Variants in STEAP2 observed in about 807,000 individuals in gnomAD.
STEAP2 encodes STEAP2 metalloreductase, also known as metalloreductase STEAP2.
A neutral mutation model predicts 46.4 loss-of-function variants in STEAP2; 30 were observed. That is an observed-to-expected ratio of 0.65 (90% CI 0.48 to 0.88). The LOEUF (loss-of-function observed/expected upper bound fraction) is 0.88, where lower values mean the gene tolerates loss of function less well. STEAP2 is among the 40% of genes least tolerant of loss of function. STEAP2 has a pLI of 0.00. For synonymous variants in STEAP2, 180 were observed against 200.5 expected (o/e 0.90, Z 0.86); for missense variants, 513 against 579.3 (o/e 0.89, Z 1.18).
At chr7:90,227,588 A>C in intron 4 of STEAP2, 90 bp downstream of exon 4, 2 of 1,274,934 alleles carry the variant, frequency 1.6e-6, no homozygotes, top group South Asian at 4.0e-5. Flanking sequence ...ATGCCCTGTA[A>C]TGGAAATTTG....
At position 90,225,089 on chromosome 7, in the gene STEAP2, T is replaced by C. The variant is rs1584237564; in HGVS notation, c.7T>C (p.Ser3Pro). ...TCTTGGAAGTGTCCGTATCATGGAA[T>C]CAATCTCTATGATGGGAAGCCCTAA... ME[S>P]ISMMGSPKSL... Residue 3 changes from serine to proline, a missense_variant, in exon 3 of 6, where the codon TCA becomes CCA. Ser to Pro is a moderately conservative substitution (Grantham distance 74). Transcript: ENST00000394621. 4 of 1,612,994 alleles carry C rather than the reference T, an allele frequency of 2.5e-6. No homozygotes were observed. The highest frequency in any genetic ancestry group is 1.1e-5 in the South Asian group (1 of 90,870).
At chr7:90,240,023 G>C (rs1442308932), downstream of STEAP2, among the ~76,000 whole-genome samples, 1 of 152,152 alleles carries the variant, frequency 6.6e-6, no homozygotes, top group East Asian at 1.9e-4. This position sits in a 1 kb window ranked among gnomAD's most constrained non-coding sequence, Gnocchi z 4.1. Context: ...TGTGATCCTA[G>C]CACTTTGGGA....
chr7:90,229,399 G>A (rs983467981), intron 4 of STEAP2, among the ~76,000 whole-genome samples: 17 of 152,146 alleles, frequency 1.1e-4, no homozygotes, highest in African/African-American at 3.4e-4. Context: ...TTCATGTGAT[G>A]GAAGAAGATA....
At chr7:90,226,048 T>C (rs968104300) in intron 3 of STEAP2, among the ~76,000 whole-genome samples, 1 of 152,220 alleles carries the variant, frequency 6.6e-6, no homozygotes, top group African/African-American at 2.4e-5. Context: ...TTCCAGTCTT[T>C]ATTTTAATGA....
intron 2 of STEAP2, among the ~76,000 whole-genome samples, chr7:90,217,496 G>A (rs1795071441): frequency 6.6e-6 from 1 of 151,998 alleles, no homozygotes; most frequent in Admixed American, 6.6e-5. Context: ...CCACACATGA[G>A]TAAAAACATG....
chr7:90,242,063 A>T (rs1433071312), downstream of STEAP2, among the ~76,000 whole-genome samples: 5 of 151,264 alleles, frequency 3.3e-5, no homozygotes, highest in Admixed American at 6.6e-5. Flanking sequence ...GTCCATGAGT[A>T]AAACAAATAC....
In STEAP2 at chr7:90,232,508, T is replaced by G. The variant is rs145139034; in HGVS notation, c.1357T>G (p.Cys453Gly). The G allele has an allele frequency of 1.2e-6, 2 of 1,613,694 alleles. No homozygotes were observed. The highest frequency in any genetic ancestry group is 2.7e-5 in the African/African-American group (2 of 74,914). ...GGGTAAGATTATTTTATTCCTTCCA[T>G]GTATAAGCCGAAAGCTAAAACGAAT... ...ILGKIILFLP[C>G]ISRKLKRIKK... Residue 453 changes from cysteine to glycine, a missense_variant, in exon 6 of 6, where the codon TGT becomes GGT. By Grantham distance (159) the Cys-to-Gly change is radical. Transcript: ENST00000394621.
intron 2 of STEAP2, among the ~76,000 whole-genome samples, chr7:90,220,651 CT>C (rs2116217748): frequency 6.6e-6 from 1 of 152,140 alleles, no homozygotes; most frequent in Non-Finnish European, 1.5e-5. Context: ...TTTATTATTA[CT>C]TTCCTTTTAC....
In STEAP2 at chr7:90,233,383, A is replaced by G; in HGVS notation, c.*759A>G. 2.0e-6 allele frequency: 2 copies of G among 985,316 alleles called. No individual in the cohort carries two copies. Among genetic ancestry groups the G allele is most frequent in the Non-Finnish European group, 2.4e-6 (2 of 829,832 alleles). The allele number at this position is 985,316 out of a possible 1,614,324, so 61.0% of individuals were successfully genotyped here. ...GTAACATTTGGCTTCCAAAACTGCT[A>G]TCTCTAATACGGTACCAATCCTAGG... On this transcript the variant is annotated 3_prime_UTR_variant, in exon 6 of 6. Coordinates refer to ENST00000394621, the MANE Select transcript of STEAP2 (RefSeq NM_001244944.2).
At position 90,233,627 on chromosome 7, in the gene STEAP2, T is replaced by C. The variant is rs1795844707; in HGVS notation, c.*1003T>C. On this transcript the variant is annotated 3_prime_UTR_variant, in exon 6 of 6. Transcript: ENST00000394621. ...AACAACCCCGTGAGATAAGTAGTTATTATCCTCATTTTACACATGAGGGAC... is the reference window on the plus strand; with the variant it reads ...AACAACCCCGTGAGATAAGTAGTTACTATCCTCATTTTACACATGAGGGAC... The C allele has an allele frequency of 1.1e-6, 1 of 872,646 alleles. No individual in the cohort carries two copies. The highest frequency in any genetic ancestry group is 1.4e-6 in the Non-Finnish European group (1 of 727,530). The allele number at this position is 872,646 out of a possible 1,614,324, so 54.1% of individuals were successfully genotyped here.
rs898390439 is a variant in STEAP2, at chr7:90,236,722, A to C, written c.*4098A>C. On this transcript the variant is annotated 3_prime_UTR_variant, in exon 6 of 6. Transcript: ENST00000394621. Reference sequence around the variant, plus strand: ...AGCCTAACATACTGAGTTTTTTTTAACTTTCTAAATTATTGAATTTCCATC... The same window carrying C: ...AGCCTAACATACTGAGTTTTTTTTACCTTTCTAAATTATTGAATTTCCATC... 1.4e-6 allele frequency: 2 copies of C among 1,395,782 alleles called. No homozygotes were observed. The highest frequency in any genetic ancestry group is 1.9e-6 in the Non-Finnish European group (2 of 1,079,466). The allele number at this position is 1,395,782 out of a possible 1,614,324, so 86.5% of individuals were successfully genotyped here. A position where few individuals can be genotyped will look rare whatever the true frequency, so the allele number is the denominator to read the frequency against.
At chr7:90,223,172 A>G (rs1165195350) in intron 2 of STEAP2, among the ~76,000 whole-genome samples, 2 of 152,222 alleles carry the variant, frequency 1.3e-5, no homozygotes, top group African/African-American at 2.4e-5. Context: ...TGGGTGGATG[A>G]GCAGAAAGAA....
At chr7:90,231,545 A>G (rs1481588703) in intron 5 of STEAP2, among the ~76,000 whole-genome samples, 1 of 152,002 alleles carries the variant, frequency 6.6e-6, no homozygotes, top group East Asian at 1.9e-4. Context: ...CCTGTACAGC[A>G]TGTTACTGTA....
downstream of STEAP2, among the ~76,000 whole-genome samples, chr7:90,241,506 C>T (rs971929778): frequency 7.2e-5 from 11 of 152,114 alleles, no homozygotes; most frequent in African/African-American, 2.7e-4. Flanking sequence ...ATGATATGGA[C>T]CAGGAAGTCC....
At chr7:90,221,974 A>G (rs1270379041) in intron 2 of STEAP2, among the ~76,000 whole-genome samples, 1 of 152,192 alleles carries the variant, frequency 6.6e-6, no homozygotes, top group African/African-American at 2.4e-5. Flanking sequence ...CAATTCTTAT[A>G]TTTTGGGAGA....
Position 90,227,137 on chromosome 7 carries a change from T to C in STEAP2, c.659T>C (p.Ile220Thr), listed in dbSNP as rs1486798410. The C allele has an allele frequency of 6.2e-7, 1 of 1,613,702 alleles. No individual in the cohort carries two copies. Among genetic ancestry groups the C allele is most frequent in the Non-Finnish European group, 8.5e-7 (1 of 1,179,858 alleles). ...TLWRGPVVVA[I>T]SLATFFFLYS... is the part of the protein sequence containing the mutation. The stretch of plus-strand genomic sequence containing the variant: ...TGGAGAGGGCCAGTGGTGGTAGCTA[T>C]AAGCTTGGCCACATTTTTTTTCCTT... The change falls in exon 4 of 6, where the codon ATA becomes ACA. Residue 220 changes from isoleucine (I) to threonine (T), a missense_variant. Physicochemically the swap from Ile to Thr is moderately conservative, Grantham distance 89. Transcript: ENST00000394621.
intron 2 of STEAP2, among the ~76,000 whole-genome samples, chr7:90,224,184 C>G (rs1795379795): frequency 6.6e-6 from 1 of 152,052 alleles, no homozygotes; most frequent in South Asian, 2.1e-4. Context: ...AGGTAGGAGG[C>G]AGAACTTGAA....
chr7:90,239,249 A>G (rs1164883409), downstream of STEAP2, among the ~76,000 whole-genome samples: 1 of 152,182 alleles, frequency 6.6e-6, no homozygotes, highest in Admixed American at 6.5e-5. Flanking sequence ...ATTAGGAATC[A>G]GGCATGCACA....
At position 90,225,475 on chromosome 7, in the gene STEAP2, A is replaced by C. The variant is rs757033190; in HGVS notation, c.393A>C (p.Glu131Asp). 2 of 1,613,918 alleles carry C rather than the reference A, an allele frequency of 1.2e-6. No individual in the cohort carries two copies. Among genetic ancestry groups the C allele is most frequent in the Non-Finnish European group, 1.7e-6 (2 of 1,179,910 alleles). ...ACCAGTACCCAGAATCCAATGCTGA[A>C]TATTTGGCTTCATTATTCCCAGATT... ...RINQYPESNAEYLASLFPDSL... is the reference protein window; with the variant it reads ...RINQYPESNADYLASLFPDSL... Residue 131 changes from glutamate to aspartate, a missense_variant, in exon 3 of 6, where the codon GAA becomes GAC. Glu to Asp is a conservative substitution (Grantham distance 45). Coordinates refer to ENST00000394621, the MANE Select transcript of STEAP2 (RefSeq NM_001244944.2).
Sources: gnomAD v4.1 joint callset for allele counts (sites outside exome capture counted in the v4.1 genomes callset) on GRCh38, gnomAD v4.1.1 for gene constraint, Gnocchi (gnomAD v3.1) non-coding constraint, MANE v1.5 for transcripts, NCBI Gene and HGNC (gene_info 2026-07-23, HGNC 2026-07-21) for gene names.